NCAM1: variants seen among roughly 807,000 people sequenced by gnomAD.
NCAM1 encodes antigen recognized by monoclonal antibody 5.1H11.
In NCAM1, 14 loss-of-function variants were observed where a neutral mutation model predicts 109.8. The observed-to-expected ratio is 0.13, with a 90% CI of 0.08 to 0.20. NCAM1 has a LOEUF of 0.20. NCAM1 is among the 10% of genes least tolerant of loss of function. The pLI, the probability that NCAM1 is intolerant of heterozygous loss-of-function variation, is 1.00. For missense variants in NCAM1, 774 were observed against 1,109.9 expected (o/e 0.70, Z 4.30); for synonymous variants, 418 against 442.9 (o/e 0.94, Z 0.70).
chr11:113,100,949 C>G (rs1201913761), intron 1 of NCAM1, among the ~76,000 whole-genome samples: 1 of 152,034 alleles, frequency 6.6e-6, no homozygotes, highest in East Asian at 1.9e-4. Context: ...TCTAGATGAC[C>G]CTTTCTGGTC....
chr11:113,220,545 A>G (rs1555115096), intron 8 of NCAM1, among the ~76,000 whole-genome samples: 4 of 150,186 alleles, frequency 2.7e-5, no homozygotes, highest in African/African-American at 9.9e-5. Flanking sequence ...TAGTATATCT[A>G]TGATAAGCTG....
chr11:113,182,937 G>A (rs1555108217), intron 1 of NCAM1, among the ~76,000 whole-genome samples: 1 of 152,218 alleles, frequency 6.6e-6, no homozygotes, highest in African/African-American at 2.4e-5. Flanking sequence ...GCCCCACTTG[G>A]CAGGACTGGG....
At chr11:112,977,155 A>G (rs1591206394) in intron 1 of NCAM1, among the ~76,000 whole-genome samples, 1 of 151,748 alleles carries the variant, frequency 6.6e-6, no homozygotes, top group East Asian at 1.9e-4. Flanking sequence ...ATGTGATTAG[A>G]GATGCTTCTT....
chr11:113,078,386 T>G (rs1428906448), intron 1 of NCAM1, among the ~76,000 whole-genome samples: 2 of 136,162 alleles, frequency 1.5e-5, no homozygotes, highest in African/African-American at 3.5e-5. Context: ...GACCCTTTTG[T>G]TTTTTTTTTC....
At position 113,166,483 on chromosome 11, in the gene NCAM1, C is replaced by A. The variant is rs531932820; in HGVS notation, c.53-35896C>A. On this transcript the variant is annotated intron_variant, in intron 1 of 19. Transcript: ENST00000316851. ...GGCAAGTCATTTTAACCTTTCTCAG[C>A]CTCAACTTCCTCACCTGTAAAATAG... 3.3e-5 allele frequency among the ~76,000 whole-genome samples: 5 copies of A among 152,314 alleles called. No homozygotes were observed. In the East Asian group the frequency reaches 9.7e-4, roughly 29 times the overall value.
intron 9 of NCAM1, among the ~76,000 whole-genome samples, chr11:113,227,900 C>T (rs1288384857): frequency 6.6e-6 from 1 of 152,198 alleles, no homozygotes; most frequent in Non-Finnish European, 1.5e-5. Flanking sequence ...ATGCTAAAAA[C>T]TCTCAATAAA....
chr11:113,137,812 A>G (rs2136173123), intron 1 of NCAM1, among the ~76,000 whole-genome samples: 1 of 152,324 alleles, frequency 6.6e-6, no homozygotes, highest in East Asian at 1.9e-4. Flanking sequence ...TTACATACAT[A>G]TATAGACACA....
rs1289834764 is a variant in NCAM1, at chr11:113,278,315, A to C, written c.*2928A>C. 6.6e-6 allele frequency: 1 copy of C among 152,238 alleles called. No individual in the cohort carries two copies. Among genetic ancestry groups the C allele is most frequent in the Non-Finnish European group, 1.5e-5 (1 of 68,048 alleles). 9.4% of individuals were successfully genotyped at this position (152,238 alleles called of 1,614,324 possible). ...TTGTTATAAAACTTTTTACCAAGTGAAACATCGATACCACCTTTGTTTCCA... is the reference window on the plus strand; with the variant it reads ...TTGTTATAAAACTTTTTACCAAGTGCAACATCGATACCACCTTTGTTTCCA... On this transcript the variant is annotated 3_prime_UTR_variant, in exon 20 of 20. Transcript: ENST00000316851.
Position 113,233,066 on chromosome 11 carries a change from G to C in NCAM1, c.1523-81G>C. 7.3e-7 allele frequency: 1 copy of C among 1,377,608 alleles called. No individual in the cohort carries two copies. Among genetic ancestry groups the C allele is most frequent in the Non-Finnish European group, 1.0e-6 (1 of 997,058 alleles). The allele number at this position is 1,377,608 out of a possible 1,614,324, so 85.3% of individuals were successfully genotyped here. On this transcript the variant is annotated intron_variant, in intron 12 of 19. Transcript: ENST00000316851. The surrounding 1 kb of genome is among the most constrained non-coding windows in gnomAD (Gnocchi z 4.5). Reference sequence around the variant, plus strand: ...TTCCCAAGAGTGAGCAGAAATGACAGAGATGTGCCTTGTGACTGAGAGTTA... The same window carrying C: ...TTCCCAAGAGTGAGCAGAAATGACACAGATGTGCCTTGTGACTGAGAGTTA...
chr11:112,968,527 C>A (rs572469506), intron 1 of NCAM1, among the ~76,000 whole-genome samples: 1 of 152,162 alleles, frequency 6.6e-6, no homozygotes, highest in Non-Finnish European at 1.5e-5. Flanking sequence ...AATCTTCACA[C>A]TAATTATTTA....
intron 1 of NCAM1, among the ~76,000 whole-genome samples, chr11:113,171,026 G>C (rs1180122542): frequency 6.6e-6 from 1 of 152,200 alleles, no homozygotes; most frequent in African/African-American, 2.4e-5. Flanking sequence ...CAGGGTTCAA[G>C]AGGGAGCAGG....
chr11:113,173,768 T>C (rs1275998798), intron 1 of NCAM1, among the ~76,000 whole-genome samples: 2 of 151,676 alleles, frequency 1.3e-5, no homozygotes, highest in African/African-American at 2.4e-5. Context: ...ATCTCTAGAA[T>C]AGGGAAAAAT....
At chr11:112,981,203 T>C (rs1287681900) in intron 1 of NCAM1, among the ~76,000 whole-genome samples, 1 of 151,866 alleles carries the variant, frequency 6.6e-6, no homozygotes, top group Non-Finnish European at 1.5e-5. Context: ...ATTCATTCTC[T>C]GTGCATAGAA....
chr11:113,130,651 C>G (rs1317127549), intron 1 of NCAM1: 1 of 152,200 alleles, frequency 6.6e-6, no homozygotes, highest in African/African-American at 2.4e-5. Context: ...ATCTTTCATG[C>G]TATGTCCTGC....
chr11:113,147,238 A>G (rs1401850559), intron 1 of NCAM1, among the ~76,000 whole-genome samples: 1 of 152,232 alleles, frequency 6.6e-6, no homozygotes, highest in Non-Finnish European at 1.5e-5. Flanking sequence ...ATGCCAGCTT[A>G]TTTACCCCAG....
Position 113,091,809 on chromosome 11 carries a change from G to A in NCAM1, c.53-110570G>A, listed in dbSNP as rs548492592. On this transcript the variant is annotated intron_variant, in intron 1 of 19. Coordinates refer to ENST00000316851, the MANE Select transcript of NCAM1 (RefSeq NM_181351.5). ...AGGTGGCTTGCCTAATAGTCGTGAAGGCGGATGAGAATTCAAATGTAAGTT... is the reference window on the plus strand; with the variant it reads ...AGGTGGCTTGCCTAATAGTCGTGAAAGCGGATGAGAATTCAAATGTAAGTT... 3.3e-5 allele frequency among the ~76,000 whole-genome samples: 5 copies of A among 152,324 alleles called. No homozygotes were observed. The South Asian group carries it at 8.3e-4, about 25-fold the overall frequency.
At chr11:113,130,834 C>A (rs1405150506) in intron 1 of NCAM1, 1 of 152,162 alleles carries the variant, frequency 6.6e-6, no homozygotes, top group Non-Finnish European at 1.5e-5. Flanking sequence ...ATTTCCTAAA[C>A]CTGTATCAAG....
intron 1 of NCAM1, among the ~76,000 whole-genome samples, chr11:113,181,453 G>A (rs544835461): frequency 2.0e-5 from 3 of 152,186 alleles, no homozygotes; most frequent in Non-Finnish European, 4.4e-5. Context: ...ACTTATAAGT[G>A]GGAGCTGAAC....
intron 1 of NCAM1, among the ~76,000 whole-genome samples, chr11:113,144,716 C>G (rs1941950464): frequency 6.6e-6 from 1 of 152,144 alleles, no homozygotes; most frequent in African/African-American, 2.4e-5. Context: ...CTTTAACAAA[C>G]TTTTTAGACT....
Sources: allele counts gnomAD v4.1 joint callset (sites outside exome capture counted in the v4.1 genomes callset), GRCh38; gene constraint gnomAD v4.1.1; non-coding constraint Gnocchi (gnomAD v3.1); transcripts MANE v1.5; gene names NCBI Gene and HGNC (gene_info 2026-07-23, HGNC 2026-07-21).